BMP6: variants seen among roughly 807,000 people sequenced by gnomAD.
BMP6 encodes bone morphogenetic protein 6.
BMP6 carries 17 observed loss-of-function variants against 54.1 expected under a neutral mutation model. The ratio of observed to expected loss-of-function variants is 0.31; its 90% CI spans 0.22 to 0.47. The LOEUF is 0.47. Among genes scored for constraint, BMP6 ranks in the 20% least tolerant of loss-of-function variants. The pLI is 1.00. For missense variants in BMP6, 720 were observed against 690.4 expected (o/e 1.04, Z -0.48); for synonymous variants, 328 against 291.2 (o/e 1.13, Z -1.28).
At chr6:7,760,875 A>G (rs1757602795) in intron 1 of BMP6, among the ~76,000 whole-genome samples, 1 of 152,234 alleles carries the variant, frequency 6.6e-6, no homozygotes, top group Non-Finnish European at 1.5e-5. Flanking sequence ...TGTTATGCGG[A>G]GCCTCCAAAA....
Position 7,862,436 on chromosome 6 carries a change from G to T in BMP6, c.1142G>T (p.Arg381Leu). Reference protein sequence around the residue: ...RTTRSASSRRRQQSRNRSTQS... With the variant: ...RTTRSASSRRLQQSRNRSTQS... ...ACCAGGTCAGCCTCCAGCCGGCGCC[G>T]ACAACAGAGTCGTAATCGCTCTACC... The change falls in exon 4 of 7, where the codon CGA (arginine) becomes CTA (leucine). Residue 381 changes from arginine to leucine, a missense_variant. By Grantham distance (102) the Arg-to-Leu change is moderately radical (BLOSUM62 -2). Around this residue, in one of 3 missense-constraint regions of BMP6, gnomAD observed 650 missense variants for 556.3 expected, o/e 1.17. Transcript: ENST00000283147. The T allele has an allele frequency of 6.2e-7, 1 of 1,614,188 alleles. No homozygotes were observed. The highest frequency in any genetic ancestry group is 8.5e-7 in the Non-Finnish European group (1 of 1,180,052).
Position 7,802,561 on chromosome 6 carries a change from C to T in BMP6, c.665-42579C>T, listed in dbSNP as rs555466149. On this transcript the variant is annotated intron_variant, in intron 1 of 6. Coordinates refer to ENST00000283147, the MANE Select transcript of BMP6 (RefSeq NM_001718.6). ...GTTCAGCATGACACTAGATTTGTGG[C>T]GGGATTGAGTGAGGACAACACTATT... Among the ~76,000 whole-genome samples, 16 of 152,200 alleles carry T rather than the reference C, an allele frequency of 1.1e-4. No homozygotes were observed. In the South Asian group the frequency reaches 1.2e-3, roughly 12 times the overall value.
At chr6:7,870,441 T>G (rs1156340461) in intron 4 of BMP6, among the ~76,000 whole-genome samples, 1 of 152,196 alleles carries the variant, frequency 6.6e-6, no homozygotes, top group African/African-American at 2.4e-5. Flanking sequence ...ATTGGAAACA[T>G]AAAGGCTTCA....
At chr6:7,843,281 G>A (rs921153655) in intron 1 of BMP6, among the ~76,000 whole-genome samples, 17 of 148,532 alleles carry the variant, frequency 1.1e-4, no homozygotes, top group Non-Finnish European at 1.9e-4. Flanking sequence ...AAAAAAAAAA[G>A]AACTCGAATC....
At chr6:7,872,816 T>TTTC (rs1393696646) in intron 4 of BMP6, among the ~76,000 whole-genome samples, 42 of 147,054 alleles carry the variant, frequency 2.9e-4, no homozygotes, top group African/African-American at 9.9e-4. Flanking sequence ...TTTTTTTTCT[T>TTTC]TTTTTTTTTT....
chr6:7,758,118 C>T (rs567388468), intron 1 of BMP6, among the ~76,000 whole-genome samples: 105 of 152,338 alleles, frequency 6.9e-4, no homozygotes, highest in African/African-American at 2.1e-3. Flanking sequence ...AAGAATGCCC[C>T]TGCATGGGGA....
chr6:7,742,916 C>A (rs1757291262), intron 1 of BMP6, among the ~76,000 whole-genome samples: 1 of 152,144 alleles, frequency 6.6e-6, no homozygotes, highest in South Asian at 2.1e-4. Flanking sequence ...CTTTCCCCCC[C>A]TTCTTATCCC....
rs1354789704 is a variant in BMP6, at chr6:7,726,558, G to A, written c.-398G>A. Among the ~76,000 whole-genome samples, 6 of 152,176 alleles carry A rather than the reference G, an allele frequency of 3.9e-5. No homozygotes were observed. Among genetic ancestry groups the A allele is most frequent in the African/African-American group, 1.4e-4 (6 of 41,468 alleles). On this transcript the variant is annotated 5_prime_UTR_variant, in exon 1 of 7. Transcript: ENST00000283147. The stretch of plus-strand genomic sequence containing the variant: ...GCCCCGGGTCCCACTCAGTCGCCAG[G>A]GAGAGCGCGGGGCAGCGCACGTGTG...
At chr6:7,825,675 G>A (rs943557649) in intron 1 of BMP6, among the ~76,000 whole-genome samples, 43 of 151,552 alleles carry the variant, frequency 2.8e-4, no homozygotes, top group African/African-American at 9.0e-4. Flanking sequence ...AGTCGAGATT[G>A]TGTCATTGCG....
At chr6:7,845,436 C>T in intron 2 of BMP6, 104 bp downstream of exon 2, 3 of 1,074,118 alleles carry the variant, frequency 2.8e-6, no homozygotes, top group Non-Finnish European at 2.6e-6. Flanking sequence ...ACCTGGAGTT[C>T]AGGGGCAGCA....
chr6:7,879,765 G>T (rs1759681647), intron 5 of BMP6, among the ~76,000 whole-genome samples: 1 of 152,180 alleles, frequency 6.6e-6, no homozygotes, highest in African/African-American at 2.4e-5. Flanking sequence ...AGCAGCTGAG[G>T]CCCTGTGGGC....
intron 1 of BMP6, among the ~76,000 whole-genome samples, chr6:7,800,080 GT>G (rs1224035706): frequency 0.061 from 1,437 of 23,512 alleles, 28 homozygotes; most frequent in African/African-American, 0.34. Flanking sequence ...AAAGGAAGGG[GT>G]GTGTGTGTGT....
intron 4 of BMP6, 44 bp from the exon 5 acceptor site, chr6:7,879,030 G>T (rs781643305): frequency 5.1e-6 from 8 of 1,559,584 alleles, no homozygotes; most frequent in South Asian, 2.2e-5. Context: ...ATGAGTTGAT[G>T]GGTGCATCTT....
intron 1 of BMP6, among the ~76,000 whole-genome samples, chr6:7,815,748 G>A (rs1758515813): frequency 6.6e-6 from 1 of 152,142 alleles, no homozygotes; most frequent in South Asian, 2.1e-4. Context: ...CCCTAAGAAG[G>A]GAAGAAAATG....
chr6:7,827,965 G>A (rs1758726383), intron 1 of BMP6, among the ~76,000 whole-genome samples: 1 of 152,224 alleles, frequency 6.6e-6, no homozygotes, highest in Admixed American at 6.5e-5. Flanking sequence ...TAACACAGAA[G>A]TTATGTGATT....
chr6:7,814,716 C>A (rs369282757), intron 1 of BMP6, among the ~76,000 whole-genome samples: 5 of 152,240 alleles, frequency 3.3e-5, no homozygotes, highest in African/African-American at 1.2e-4. Context: ...GTAGCTTGAT[C>A]TTAGTGTCTT....
At chr6:7,777,266 C>T (rs1757875613) in intron 1 of BMP6, among the ~76,000 whole-genome samples, 1 of 152,166 alleles carries the variant, frequency 6.6e-6, no homozygotes, top group Non-Finnish European at 1.5e-5. Context: ...TGGCAGGTGG[C>T]CTTCATGTGT....
Position 7,838,975 on chromosome 6 carries a change from C to T in BMP6, c.665-6165C>T, listed in dbSNP as rs115151036. ...AAAAAAAAAAAAAGACTGTCCTTAG[C>T]TGTAGGGATCTTTTTAATATACACT... On this transcript the variant is annotated intron_variant, in intron 1 of 6. Transcript: ENST00000283147. 7.5e-3 allele frequency among the ~76,000 whole-genome samples: 1,122 copies of T among 149,502 alleles called. 16 individuals are homozygous for T. Among genetic ancestry groups the T allele is most frequent in the African/African-American group, 0.026 (1,074 of 40,744 alleles).
intron 1 of BMP6, among the ~76,000 whole-genome samples, chr6:7,735,820 T>C (rs1225045735): frequency 1.3e-5 from 2 of 152,202 alleles, no homozygotes; most frequent in African/African-American, 2.4e-5. Context: ...TTTGGACAAA[T>C]GTGTAATGAT....
Sources: allele counts gnomAD v4.1 joint callset (sites outside exome capture counted in the v4.1 genomes callset), GRCh38; gene constraint gnomAD v4.1.1; regional missense constraint gnomAD v4.1.1; transcripts MANE v1.5; gene names NCBI Gene and HGNC (gene_info 2026-07-23, HGNC 2026-07-21).